Variants in NWD2 observed in about 807,000 individuals in gnomAD.
The protein encoded by NWD2 is NACHT and WD repeat domain-containing protein 2.
Under a neutral mutation model 132.7 loss-of-function variants are expected in NWD2, and 37 were observed. The observed-to-expected ratio is 0.28, with a 90% CI of 0.21 to 0.37. NWD2 has a LOEUF of 0.37. NWD2 is among the 10% of genes least tolerant of loss of function. The pLI, the probability that NWD2 is intolerant of heterozygous loss-of-function variation, is 1.00. For synonymous variants in NWD2, 705 were observed against 803.0 expected, an observed-to-expected ratio of 0.88 and a Z score of 2.06; for missense variants, 1,592 against 2,122.4, an observed-to-expected ratio of 0.75 and a Z score of 4.91.
chr4:37,307,545 G>A (rs28765464), intron 1 of NWD2, among the ~76,000 whole-genome samples: 3,846 of 152,030 alleles, frequency 0.025, 172 homozygotes, highest in African/African-American at 0.089. Flanking sequence ...TTTCTCTTGC[G>A]GTTTTTACAA....
chr4:37,338,785 A>G (rs1719463021), intron 2 of NWD2, among the ~76,000 whole-genome samples: 1 of 152,184 alleles, frequency 6.6e-6, no homozygotes, highest in South Asian at 2.1e-4. Flanking sequence ...TATTCTGTTG[A>G]GCCCAATCTC....
intron 3 of NWD2, among the ~76,000 whole-genome samples, chr4:37,364,810 GC>G (rs1720063852): frequency 6.6e-6 from 1 of 151,938 alleles, no homozygotes; most frequent in African/African-American, 2.4e-5. Flanking sequence ...TGGACCCTAA[GC>G]CCAGTATGCA....
intron 3 of NWD2, among the ~76,000 whole-genome samples, chr4:37,380,562 T>G (rs764882): frequency 6.6e-6 from 1 of 152,176 alleles, no homozygotes; most frequent in East Asian, 1.9e-4. Context: ...GTCTTACCCA[T>G]AGTATGCCTT....
chr4:37,312,841 G>C lies in NWD2; in HGVS notation c.152-13095G>C, dbSNP rs193033533. Reference sequence around the variant, plus strand: ...CTTATTGAGAGTTTTTAGCATGAAGGGTTGTTGAATTTTGTCAAAGACCTT... The same window carrying C: ...CTTATTGAGAGTTTTTAGCATGAAGCGTTGTTGAATTTTGTCAAAGACCTT... On this transcript the variant is annotated intron_variant, in intron 1 of 6. Coordinates refer to ENST00000309447, the MANE Select transcript of NWD2 (RefSeq NM_001144990.2). Among the ~76,000 whole-genome samples the C allele has an allele frequency of 5.2e-4, 79 of 151,192 alleles. 2 individuals carry two copies. The highest frequency in any genetic ancestry group is 1.2e-3 in the Admixed American group (18 of 15,284).
intron 3 of NWD2, among the ~76,000 whole-genome samples, chr4:37,415,602 G>A (rs1711573068): frequency 6.6e-6 from 1 of 151,614 alleles, no homozygotes; most frequent in African/African-American, 2.4e-5. Flanking sequence ...TCCTCGGGAG[G>A]CTGAGGCAGG....
chr4:37,369,058 G>T (rs1052059106), intron 3 of NWD2, among the ~76,000 whole-genome samples: 1 of 152,128 alleles, frequency 6.6e-6, no homozygotes, highest in African/African-American at 2.4e-5. Context: ...GAGGGAGAAG[G>T]ATGAGTCTAA....
At chr4:37,333,940 C>A (rs1719344733) in intron 2 of NWD2, among the ~76,000 whole-genome samples, 1 of 151,876 alleles carries the variant, frequency 6.6e-6, no homozygotes, top group South Asian at 2.1e-4. Context: ...AGGAATGTAT[C>A]AGAGTCTCTT....
In NWD2 at chr4:37,439,177, T is replaced by G; in HGVS notation, c.1083T>G (p.Asn361Lys). ...IDIIQATIQQ[N>K]FDTETDTLYD... Reference sequence around the variant, plus strand: ...TAATTCAGGCAACGATACAACAGAATTTTGACACTGAAACTGATACACTCT... The same window carrying G: ...TAATTCAGGCAACGATACAACAGAAGTTTGACACTGAAACTGATACACTCT... The change falls in exon 6 of 7, where the codon AAT (asparagine) becomes AAG (lysine). Residue 361 changes from asparagine (N) to lysine (K), a missense_variant. Physicochemically the swap from Asn to Lys is moderately conservative, Grantham distance 94. Around this residue, in one of 7 missense-constraint regions of NWD2, gnomAD observed 1,071 missense variants for 1,398.0 expected, o/e 0.77. Transcript: ENST00000309447. This position sits in a 1 kb window ranked among gnomAD's most constrained non-coding sequence, Gnocchi z 4.5. The G allele has an allele frequency of 6.5e-7, 1 of 1,550,162 alleles. No individual in the cohort carries two copies. Among genetic ancestry groups the G allele is most frequent in the Non-Finnish European group, 8.7e-7 (1 of 1,146,148 alleles).
chr4:37,264,724 T>C (rs1380214911), intron 1 of NWD2, among the ~76,000 whole-genome samples: 3 of 152,048 alleles, frequency 2.0e-5, no homozygotes, highest in Non-Finnish European at 4.4e-5. Flanking sequence ...ATCTAGCCCT[T>C]TTTTATTAAT....
chr4:37,340,342 C>G (rs547023038), intron 2 of NWD2, among the ~76,000 whole-genome samples: 7 of 152,302 alleles, frequency 4.6e-5, no homozygotes, highest in Admixed American at 4.6e-4. Context: ...GTTACCTCCT[C>G]ATTGGCATCT....
chr4:37,354,121 G>A (rs969999025), intron 2 of NWD2, among the ~76,000 whole-genome samples: 6 of 152,134 alleles, frequency 3.9e-5, no homozygotes, highest in Non-Finnish European at 8.8e-5. Context: ...GTATCCTGGA[G>A]TTTGCTGGAG....
intron 2 of NWD2, among the ~76,000 whole-genome samples, chr4:37,349,181 C>G (rs914682114): frequency 1.3e-5 from 2 of 152,054 alleles, no homozygotes; most frequent in African/African-American, 4.8e-5. Flanking sequence ...GATTTATAAT[C>G]CTTTGGTTAT....
chr4:37,331,726 G>T (rs1415405097), intron 2 of NWD2, among the ~76,000 whole-genome samples: 2 of 152,182 alleles, frequency 1.3e-5, no homozygotes, highest in African/African-American at 4.8e-5. Flanking sequence ...CCAAAAATCA[G>T]GTGAGTGATC....
rs771547491 is a variant in NWD2, at chr4:37,246,103, G to GA, written c.151+893dup. On this transcript the variant is annotated intron_variant, in intron 1 of 6. Transcript: ENST00000309447. ...AACTGCAGGAATTGCTCTTTTCTAGGAAAAAAAATGTTTGGCTATGAGTCC... is the reference window on the plus strand; with the variant it reads ...AACTGCAGGAATTGCTCTTTTCTAGGAAAAAAAAATGTTTGGCTATGAGTCC... 2.2e-3 allele frequency among the ~76,000 whole-genome samples: 334 copies of GA among 151,950 alleles called. 5 individuals carry two copies. Among genetic ancestry groups the GA allele is most frequent in the Non-Finnish European group, 3.5e-3 (240 of 67,928 alleles).
intron 1 of NWD2, among the ~76,000 whole-genome samples, chr4:37,265,890 C>T (rs1485471926): frequency 6.6e-6 from 1 of 152,034 alleles, no homozygotes; most frequent in Non-Finnish European, 1.5e-5. Flanking sequence ...GGGCTGTGCA[C>T]ATCTTTCAGG....
intron 3 of NWD2, among the ~76,000 whole-genome samples, chr4:37,416,598 C>T (rs766401023): frequency 1.4e-4 from 22 of 152,110 alleles, no homozygotes; most frequent in Non-Finnish European, 2.8e-4. Flanking sequence ...CAATGCCACT[C>T]TTGGGTACCT....
intron 2 of NWD2, among the ~76,000 whole-genome samples, chr4:37,340,801 A>G (rs1193961572): frequency 6.6e-6 from 1 of 152,260 alleles, no homozygotes; most frequent in African/African-American, 2.4e-5. Flanking sequence ...AGTGCTGTGC[A>G]TACATTAACT....
intron 1 of NWD2, 41 bp downstream of exon 1, chr4:37,245,259 C>G (rs905537634): frequency 3.7e-5 from 55 of 1,501,252 alleles, no homozygotes; most frequent in Non-Finnish European, 4.7e-5. Flanking sequence ...TCCTTCTGTC[C>G]GTCAGCGCTG....
At chr4:37,341,132 A>G (rs553212513) in intron 2 of NWD2, among the ~76,000 whole-genome samples, 1 of 152,364 alleles carries the variant, frequency 6.6e-6, no homozygotes, top group East Asian at 1.9e-4. Context: ...TACCTGTACA[A>G]CCATTCTGTT....
Sources: allele counts gnomAD v4.1 joint callset (sites outside exome capture counted in the v4.1 genomes callset), GRCh38; gene constraint gnomAD v4.1.1; regional missense constraint gnomAD v4.1.1; non-coding constraint Gnocchi (gnomAD v3.1); transcripts MANE v1.5; gene names NCBI Gene and HGNC (gene_info 2026-07-23, HGNC 2026-07-21).